LRBA: variants seen among roughly 807,000 people sequenced by gnomAD.
LRBA encodes LPS responsive beige-like anchor protein, also known as lipopolysaccharide-responsive and beige-like anchor protein.
In LRBA, 176 loss-of-function variants were observed where a neutral mutation model predicts 330.0. That is an observed-to-expected ratio of 0.53 (90% CI 0.47 to 0.60). The LOEUF (loss-of-function observed/expected upper bound fraction) is 0.60. Among genes scored for constraint, LRBA ranks in the 20% least tolerant of loss-of-function variants. The probability of loss-of-function intolerance (pLI) is 0.00; values close to 1 mark genes in which losing one functional copy is unlikely to be tolerated. For synonymous variants in LRBA, 1,230 were observed against 1,193.0 expected (o/e 1.03, Z -0.64); for missense variants, 3,259 against 3,444.8 (o/e 0.95, Z 1.35).
At chr4:150,393,197 C>G (rs745725370) in intron 47 of LRBA, among the ~76,000 whole-genome samples, 2 of 152,064 alleles carry the variant, frequency 1.3e-5, no homozygotes, top group Non-Finnish European at 2.9e-5. Flanking sequence ...TAAATACCTA[C>G]AGGGTAGAGA....
At chr4:150,361,772 CTTT>C (rs568876677) in intron 47 of LRBA, among the ~76,000 whole-genome samples, 2 of 139,732 alleles carry the variant, frequency 1.4e-5, no homozygotes, top group Admixed American at 7.2e-5. Flanking sequence ...CATCATACTA[CTTT>C]TTTTTTTTTT....
chr4:150,566,476 A>C (rs1465264123), intron 40 of LRBA, among the ~76,000 whole-genome samples: 1 of 152,140 alleles, frequency 6.6e-6, no homozygotes, highest in Non-Finnish European at 1.5e-5. Flanking sequence ...ATAAAGTAAA[A>C]TATAAAATAA....
chr4:150,912,594 G>A (rs1342379937), intron 9 of LRBA, among the ~76,000 whole-genome samples: 3 of 152,168 alleles, frequency 2.0e-5, no homozygotes, highest in East Asian at 1.9e-4. Context: ...GAATCATCCC[G>A]AAACCATCCC....
chr4:150,559,740 T>A (rs187379924), intron 40 of LRBA, among the ~76,000 whole-genome samples: 61 of 88,738 alleles, frequency 6.9e-4, no homozygotes, highest in Non-Finnish European at 9.9e-4. Context: ...TATAATATAA[T>A]ATATAATATA....
intron 2 of LRBA, among the ~76,000 whole-genome samples, chr4:150,937,195 T>C (rs1735165193): frequency 6.6e-6 from 1 of 152,140 alleles, no homozygotes; most frequent in African/African-American, 2.4e-5. Flanking sequence ...CATACAAATG[T>C]GTGGCATATT....
chr4:150,596,118 G>T (rs980797190), intron 38 of LRBA, among the ~76,000 whole-genome samples: 2 of 151,816 alleles, frequency 1.3e-5, no homozygotes, highest in Non-Finnish European at 2.9e-5. Context: ...CCACTTTGGA[G>T]GGTCTCTGCT....
chr4:150,796,426 A>G (rs1481124079), intron 34 of LRBA, among the ~76,000 whole-genome samples: 3 of 151,932 alleles, frequency 2.0e-5, no homozygotes, highest in Non-Finnish European at 2.9e-5. Context: ...TAGAGATGCC[A>G]TGGAACTTTT....
chr4:150,554,711 C>A (rs1767067655), intron 40 of LRBA, among the ~76,000 whole-genome samples: 1 of 152,062 alleles, frequency 6.6e-6, no homozygotes, highest in Non-Finnish European at 1.5e-5. Context: ...TTTCTGACCT[C>A]ATTTCTGCTT....
intron 40 of LRBA, among the ~76,000 whole-genome samples, chr4:150,508,507 T>A (rs1309510320): frequency 6.6e-6 from 1 of 152,142 alleles, no homozygotes; most frequent in Non-Finnish European, 1.5e-5. Context: ...TAGGCTGGTC[T>A]CGAACTCCTG....
chr4:150,604,150 T>C (rs746960715), intron 37 of LRBA, among the ~76,000 whole-genome samples: 2 of 152,118 alleles, frequency 1.3e-5, no homozygotes, highest in African/African-American at 2.4e-5. Flanking sequence ...GGCTAATGCC[T>C]GTAATCCTAG....
At position 150,868,219 on chromosome 4, in the gene LRBA, T is replaced by C. The variant is rs762931950; in HGVS notation, c.2536A>G (p.Met846Val). ...CTACTGTTATTAAAAAGTTTAATCA[T>C]GTCAGAAAGAAAGGCTCTGCGAACC... ...MEVRRAFLSDMIKLFNNSREN... is the reference protein window; with the variant it reads ...MEVRRAFLSDVIKLFNNSREN... The change falls in exon 21 of 57, where the codon ATG becomes GTG. Residue 846 changes from methionine to valine, a missense_variant. Transcript: ENST00000651943. The C allele has an allele frequency of 3.1e-6, 5 of 1,612,852 alleles. No individual in the cohort carries two copies. The highest frequency in any genetic ancestry group is 2.2e-5 in the South Asian group (2 of 90,932).
intron 52 of LRBA, among the ~76,000 whole-genome samples, chr4:150,303,955 T>C (rs950611518): frequency 6.6e-5 from 10 of 152,218 alleles, no homozygotes; most frequent in African/African-American, 2.4e-4. Context: ...TAAATAGCTG[T>C]GACAGACCCC....
intron 37 of LRBA, among the ~76,000 whole-genome samples, chr4:150,611,014 C>G (rs1293850484): frequency 6.6e-6 from 1 of 152,136 alleles, no homozygotes. Context: ...GAAGATTATA[C>G]TGTACTTGAA....
intron 37 of LRBA, among the ~76,000 whole-genome samples, chr4:150,608,219 T>C (rs573538112): frequency 6.6e-6 from 1 of 152,148 alleles, no homozygotes; most frequent in East Asian, 1.9e-4. Context: ...TCAAAAAATA[T>C]ATAAGAAAAT....
At chr4:150,399,148 T>A (rs1745144995) in intron 47 of LRBA, among the ~76,000 whole-genome samples, 2 of 152,194 alleles carry the variant, frequency 1.3e-5, no homozygotes, top group Non-Finnish European at 2.9e-5. Flanking sequence ...TTACCTTTAC[T>A]TAACTACCTG....
intron 2 of LRBA, among the ~76,000 whole-genome samples, chr4:150,965,291 C>G (rs1037858112): frequency 6.6e-6 from 1 of 152,098 alleles, no homozygotes; most frequent in African/African-American, 2.4e-5. Flanking sequence ...TTATATAGCT[C>G]TTTTAAAAAT....
chr4:150,672,742 CA>C (rs1166721505), intron 37 of LRBA, among the ~76,000 whole-genome samples: 1 of 152,028 alleles, frequency 6.6e-6, no homozygotes, highest in Non-Finnish European at 1.5e-5. Context: ...AAACTACACT[CA>C]AAGCAACAAT....
chr4:150,471,258 C>T (rs2152067849), intron 43 of LRBA, among the ~76,000 whole-genome samples: 1 of 152,250 alleles, frequency 6.6e-6, no homozygotes, highest in East Asian at 1.9e-4. Context: ...ATTCCAACCA[C>T]CTCCTCTGCT....
At position 150,583,568 on chromosome 4, in the gene LRBA, G is replaced by C; in HGVS notation, c.6330+4480C>G. Reference sequence around the variant, plus strand: ...CCGGCGTTCAAGTGCACCGGGATCTGGCCTCGCAGCGCGGCACAGTGGCCT... The same window carrying C: ...CCGGCGTTCAAGTGCACCGGGATCTCGCCTCGCAGCGCGGCACAGTGGCCT... On this transcript the variant is annotated intron_variant, in intron 40 of 56. Transcript: ENST00000651943. The surrounding 1 kb of genome is among the most constrained non-coding windows in gnomAD (Gnocchi z 9.8). 6.2e-7 allele frequency: 1 copy of C among 1,613,910 alleles called. No homozygotes were observed. The highest frequency in any genetic ancestry group is 8.5e-7 in the Non-Finnish European group (1 of 1,179,922).
Sources: allele counts gnomAD v4.1 joint callset (sites outside exome capture counted in the v4.1 genomes callset), GRCh38; gene constraint gnomAD v4.1.1; non-coding constraint Gnocchi (gnomAD v3.1); transcripts MANE v1.5; gene names NCBI Gene and HGNC (gene_info 2026-07-23, HGNC 2026-07-21).